The following VIPR2 variants were observed in gnomAD, a reference collection of about 807,000 sequenced individuals.
The protein encoded by VIPR2 is vasoactive intestinal polypeptide receptor 2.
A neutral mutation model predicts 58.0 loss-of-function variants in VIPR2; 48 were observed. That is an observed-to-expected ratio of 0.83 (90% CI 0.66 to 1.05). The LOEUF (loss-of-function observed/expected upper bound fraction) is 1.05, where lower values mean the gene tolerates loss of function less well. VIPR2 is among the 50% of genes least tolerant of loss of function. The probability of loss-of-function intolerance (pLI) is 0.00; values close to 1 mark genes in which losing one functional copy is unlikely to be tolerated. For synonymous variants in VIPR2, 243 were observed against 235.2 expected, an observed-to-expected ratio of 1.03 and a Z score of -0.30; for missense variants, 534 against 558.0, an observed-to-expected ratio of 0.96 and a Z score of 0.43.
intron 2 of VIPR2, among the ~76,000 whole-genome samples, chr7:159,120,647 A>G (rs1461832433): frequency 6.6e-6 from 1 of 152,222 alleles, no homozygotes; most frequent in Non-Finnish European, 1.5e-5. Flanking sequence ...CAGGCAGAAG[A>G]GTGAAGGCCT....
chr7:159,056,590 G>A (rs982963773), intron 5 of VIPR2, among the ~76,000 whole-genome samples: 7 of 152,110 alleles, frequency 4.6e-5, no homozygotes, highest in African/African-American at 1.2e-4. Flanking sequence ...TGTTGTGAGC[G>A]TCAACACTGC....
At position 159,095,677 on chromosome 7, in the gene VIPR2, C is replaced by G. The variant is rs2129495522; in HGVS notation, c.357+8080G>C. On this transcript the variant is annotated intron_variant, in intron 4 of 12. Coordinates refer to ENST00000262178, the MANE Select transcript of VIPR2 (RefSeq NM_003382.5). The surrounding 1 kb of genome is among the most constrained non-coding windows in gnomAD (Gnocchi z 5.2). ...GCCCCAGACTCAAGGCCCTGCTGTTCTGCCCCCTTGGCCGTTATCCAGCCC... is the reference window on the plus strand; with the variant it reads ...GCCCCAGACTCAAGGCCCTGCTGTTGTGCCCCCTTGGCCGTTATCCAGCCC... 6.6e-6 allele frequency among the ~76,000 whole-genome samples: 1 copy of G among 152,314 alleles called. No homozygotes were observed. Among genetic ancestry groups the G allele is most frequent in the South Asian group, 2.1e-4 (1 of 4,824 alleles).
intron 4 of VIPR2, among the ~76,000 whole-genome samples, chr7:159,076,029 G>A (rs1326895034): frequency 6.6e-6 from 1 of 152,222 alleles, no homozygotes; most frequent in Non-Finnish European, 1.5e-5. Context: ...CCTTCTTGGT[G>A]GGTCACCCTG....
rs116731489 is a variant in VIPR2, at chr7:159,099,480, C to T, written c.357+4277G>A. 1.1e-3 allele frequency among the ~76,000 whole-genome samples: 165 copies of T among 152,250 alleles called. No homozygotes were observed. The highest frequency in any genetic ancestry group is 3.8e-3 in the African/African-American group (156 of 41,548). ...TGTGGGCTGACATTGCCACAGCAGG[C>T]GGCGGCTGTCACTGCCTCCCAGATC... is the stretch of plus-strand genomic sequence containing the variant. On this transcript the variant is annotated intron_variant, in intron 4 of 12. Transcript: ENST00000262178. This position sits in a 1 kb window ranked among gnomAD's most constrained non-coding sequence, Gnocchi z 4.2.
chr7:159,100,680 G>A (rs1446667678), intron 4 of VIPR2, among the ~76,000 whole-genome samples: 3 of 152,272 alleles, frequency 2.0e-5, no homozygotes, highest in Non-Finnish European at 4.4e-5. Flanking sequence ...GAATCATGCA[G>A]GCCGTTCCCC....
chr7:159,101,325 G>A (rs542333498), intron 4 of VIPR2, among the ~76,000 whole-genome samples: 123 of 148,222 alleles, frequency 8.3e-4, no homozygotes, highest in Admixed American at 1.3e-3. Flanking sequence ...GATCCGACGA[G>A]GCGGTTCCCC....
intron 4 of VIPR2, among the ~76,000 whole-genome samples, chr7:159,087,565 C>T (rs1160413783): frequency 1.6e-5 from 2 of 126,782 alleles, no homozygotes; most frequent in East Asian, 2.5e-4. Flanking sequence ...TAGTGAGATA[C>T]GGCTTCCCAA....
intron 2 of VIPR2, among the ~76,000 whole-genome samples, chr7:159,134,653 T>C (rs959863527): frequency 1.3e-5 from 2 of 151,932 alleles, no homozygotes; most frequent in African/African-American, 4.8e-5. Flanking sequence ...AATAGTGCAA[T>C]ATTTTCTTTC....
In VIPR2 at chr7:159,096,323, G is replaced by T. The variant is rs1327341042; in HGVS notation, c.357+7434C>A. Among the ~76,000 whole-genome samples, 10 of 152,324 alleles carry T rather than the reference G, an allele frequency of 6.6e-5. No individual in the cohort carries two copies. Among genetic ancestry groups the T allele is most frequent in the African/African-American group, 2.4e-4 (10 of 41,572 alleles). On this transcript the variant is annotated intron_variant, in intron 4 of 12. Coordinates refer to ENST00000262178, the MANE Select transcript of VIPR2 (RefSeq NM_003382.5). This position sits in a 1 kb window ranked among gnomAD's most constrained non-coding sequence, Gnocchi z 5.5. The stretch of plus-strand genomic sequence containing the variant: ...GGATGGTCCATCCTGGGTCAGGCAC[G>T]TACCTCCCCTCCTCCGGCATCGGCC...
chr7:159,142,586 A>G (rs773828475), intron 1 of VIPR2, 41 bp from the exon 2 acceptor site: 17 of 1,509,416 alleles, frequency 1.1e-5, no homozygotes, highest in Middle Eastern at 3.4e-4. Flanking sequence ...TAAAAATTCC[A>G]CAAGAAGAAG....
intron 5 of VIPR2, among the ~76,000 whole-genome samples, chr7:159,053,979 T>C (rs148774815): frequency 1.6e-3 from 246 of 152,346 alleles, no homozygotes; most frequent in Non-Finnish European, 2.4e-3. Flanking sequence ...CTCCTAGGAA[T>C]AAAGACTTAT....
intron 2 of VIPR2, among the ~76,000 whole-genome samples, chr7:159,134,467 G>A (rs1585565966): frequency 6.6e-6 from 1 of 151,980 alleles, no homozygotes; most frequent in Non-Finnish European, 1.5e-5. Flanking sequence ...GATTGTTCCA[G>A]AATAAAAAAG....
intron 4 of VIPR2, among the ~76,000 whole-genome samples, chr7:159,066,662 C>A (rs988575533): frequency 1.3e-5 from 2 of 152,248 alleles, no homozygotes; most frequent in Admixed American, 1.3e-4. Context: ...GCTTCCACTC[C>A]CTGCATCTTT....
chr7:159,120,337 G>C (rs186166637), intron 2 of VIPR2, among the ~76,000 whole-genome samples: 396 of 152,128 alleles, frequency 2.6e-3, no homozygotes, highest in Non-Finnish European at 3.5e-3. Flanking sequence ...CAGCAAAGCA[G>C]GGCCGGATGG....
chr7:159,039,215 T>C (rs1317245157), intron 6 of VIPR2, among the ~76,000 whole-genome samples: 1 of 152,170 alleles, frequency 6.6e-6, no homozygotes, highest in Non-Finnish European at 1.5e-5. Context: ...TCCCAGCACT[T>C]TGGGAGGCCA....
intron 4 of VIPR2, among the ~76,000 whole-genome samples, chr7:159,086,296 A>G (rs1055508502): frequency 1.3e-5 from 2 of 152,228 alleles, no homozygotes; most frequent in East Asian, 1.9e-4. Context: ...AAGCACAGAT[A>G]TGATCTTGAC....
intron 5 of VIPR2, among the ~76,000 whole-genome samples, chr7:159,046,552 T>C (rs940201990): frequency 3.4e-5 from 4 of 118,070 alleles, no homozygotes; most frequent in South Asian, 3.5e-4. Context: ...GACTGCCTCA[T>C]GTATAGAAGG....
chr7:159,125,033 C>T (rs938844434), intron 2 of VIPR2, among the ~76,000 whole-genome samples: 10 of 152,094 alleles, frequency 6.6e-5, no homozygotes, highest in Non-Finnish European at 1.0e-4. Flanking sequence ...AGGAGCTTTT[C>T]GGCTGAGACT....
At chr7:159,115,147 C>T (rs534102090) in intron 2 of VIPR2, among the ~76,000 whole-genome samples, 12 of 152,206 alleles carry the variant, frequency 7.9e-5, no homozygotes, top group Non-Finnish European at 1.6e-4. Context: ...TTGCAGCCGC[C>T]GCATTTGAAT....
Sources: allele counts gnomAD v4.1 joint callset (sites outside exome capture counted in the v4.1 genomes callset), GRCh38; gene constraint gnomAD v4.1.1; non-coding constraint Gnocchi (gnomAD v3.1); transcripts MANE v1.5; gene names NCBI Gene and HGNC (gene_info 2026-07-23, HGNC 2026-07-21).